DNAJC5: variants seen among roughly 807,000 people sequenced by gnomAD.
DNAJC5 encodes the protein dnaJ homolog subfamily C member 5.
In DNAJC5, 1 loss-of-function variant was observed where a neutral mutation model predicts 23.2. That is an observed-to-expected ratio of 0.04 (90% CI 0.02 to 0.20). DNAJC5 has a LOEUF of 0.20. DNAJC5 is among the 10% of genes least tolerant of loss of function. DNAJC5 has a pLI of 1.00. For missense variants in DNAJC5, 180 were observed against 267.0 expected, an observed-to-expected ratio of 0.67 and a Z score of 2.27; for synonymous variants, 136 against 120.0, an observed-to-expected ratio of 1.13 and a Z score of -0.87.
rs6122214 is a variant in DNAJC5, at chr20:63,923,514, G to T, written c.-11-4821G>T. Among the ~76,000 whole-genome samples, 114 of 152,116 alleles carry T rather than the reference G, an allele frequency of 7.5e-4. 1 individual carries two copies. In the East Asian group the frequency reaches 0.02, roughly 27 times the overall value. On this transcript the variant is annotated intron_variant, in intron 1 of 4. Coordinates refer to ENST00000360864, the MANE Select transcript of DNAJC5 (RefSeq NM_025219.3). ...AGCACTTTGGGAGGCTGTAGCAGGC[G>T]GATTGCTTGAGTCTGGGAGTTTGAG...
In DNAJC5 at chr20:63,932,110, G is replaced by A. The variant is rs1292673363; in HGVS notation, c.*542G>A. ...CCTGCCAGAAGAGAGGCGGGGCCGC[G>A]TCCTCCTGGCGTCACCGGCGTCACT... On this transcript the variant is annotated 3_prime_UTR_variant, in exon 5 of 5. Transcript: ENST00000360864. The surrounding 1 kb of genome is among the most constrained non-coding windows in gnomAD (Gnocchi z 4.4). 3 of 193,016 alleles carry A rather than the reference G, an allele frequency of 1.6e-5. No homozygotes were observed. Among genetic ancestry groups the A allele is most frequent in the East Asian group, 1.3e-4 (1 of 7,902 alleles). The allele number at this position is 193,016 out of a possible 1,614,324, so 12.0% of individuals were successfully genotyped here.
intron 1 of DNAJC5, among the ~76,000 whole-genome samples, chr20:63,911,755 C>T (rs2053484050): frequency 6.6e-6 from 1 of 151,928 alleles, no homozygotes; most frequent in South Asian, 2.1e-4. Context: ...CTCCCTGCAG[C>T]CTTGACCTCC....
chr20:63,912,168 C>T (rs1024846504), intron 1 of DNAJC5, among the ~76,000 whole-genome samples: 9 of 151,908 alleles, frequency 5.9e-5, no homozygotes, highest in East Asian at 1.9e-4. Context: ...CTGGGCATGG[C>T]GGCAGATGCC....
At position 63,909,345 on chromosome 20, in the gene DNAJC5, A is replaced by T. The variant is rs191146611; in HGVS notation, c.-12+14022A>T. ...AACCCCGTCTCTACTAAAAATAAAA[A>T]AAAAAAAATTAGCCGGGCGTGGTGG... On this transcript the variant is annotated intron_variant, in intron 1 of 4. Transcript: ENST00000360864. Among the ~76,000 whole-genome samples, 180 of 152,096 alleles carry T rather than the reference A, an allele frequency of 1.2e-3. 1 individual carries two copies. The highest frequency in any genetic ancestry group is 5.8e-3 in the South Asian group (28 of 4,820).
At chr20:63,895,371 G>GGGCA (rs1164001193) in intron 1 of DNAJC5, 48 bp downstream of exon 1, 1 of 147,028 alleles carries the variant, frequency 6.8e-6, no homozygotes, top group East Asian at 1.9e-4. Flanking sequence ...CGTCAGGCCC[G>GGGCA]GGCAGGCGGG....
chr20:63,931,948 G>A lies in DNAJC5; in HGVS notation c.*380G>A. On this transcript the variant is annotated 3_prime_UTR_variant, in exon 5 of 5. Coordinates refer to ENST00000360864, the MANE Select transcript of DNAJC5 (RefSeq NM_025219.3). The surrounding 1 kb of genome is among the most constrained non-coding windows in gnomAD (Gnocchi z 9.6). ...CGGTCAGGTGGGCGAGGAGAAGGGGGGCTGCCCCTTTCCTACCTGTGCTTG... is the reference window on the plus strand; with the variant it reads ...CGGTCAGGTGGGCGAGGAGAAGGGGAGCTGCCCCTTTCCTACCTGTGCTTG... 1 of 358,562 alleles carries A rather than the reference G, an allele frequency of 2.8e-6. No homozygotes were observed. 22.2% of individuals were successfully genotyped at this position (358,562 alleles called of 1,614,324 possible). A position where few individuals can be genotyped will look rare whatever the true frequency, so the allele number is the denominator to read the frequency against.
intron 1 of DNAJC5, among the ~76,000 whole-genome samples, chr20:63,902,052 A>C (rs1312048090): frequency 6.6e-6 from 1 of 151,762 alleles, no homozygotes. Flanking sequence ...TAAAATAATA[A>C]TGCTTTTTTT....
At chr20:63,910,505 T>G (rs895696299) in intron 1 of DNAJC5, among the ~76,000 whole-genome samples, 3 of 149,720 alleles carry the variant, frequency 2.0e-5, no homozygotes, top group African/African-American at 7.4e-5. Flanking sequence ...ATCGCGCCAC[T>G]GCACTCCAGC....
intron 1 of DNAJC5, among the ~76,000 whole-genome samples, chr20:63,918,884 A>G (rs530097890): frequency 1.4e-4 from 21 of 152,302 alleles, no homozygotes; most frequent in African/African-American, 3.4e-4. Flanking sequence ...GTGAGCCACC[A>G]CGCCCGGCTG....
intron 1 of DNAJC5, chr20:63,909,059 T>A (rs1195943355): frequency 6.6e-6 from 1 of 152,148 alleles, no homozygotes; most frequent in Non-Finnish European, 1.5e-5. Context: ...TTTCCCCAAA[T>A]GTGGGAAACT....
rs1019253049 is a variant in DNAJC5 at position 63,931,313 on chromosome 20, C to T, written c.494-152C>T. Reference sequence around the variant, plus strand: ...GCCGAGGGCTGGCGGTGACCCAAGGCGACGGAGGAAAGCCGTGTGGGGTGG... The same window carrying T: ...GCCGAGGGCTGGCGGTGACCCAAGGTGACGGAGGAAAGCCGTGTGGGGTGG... On this transcript the variant is annotated intron_variant, in intron 4 of 4. Coordinates refer to ENST00000360864, the MANE Select transcript of DNAJC5 (RefSeq NM_025219.3). This position sits in a 1 kb window ranked among gnomAD's most constrained non-coding sequence, Gnocchi z 9.6. 8.1e-6 allele frequency: 7 copies of T among 866,478 alleles called. No homozygotes were observed. The highest frequency in any genetic ancestry group is 4.4e-5 in the South Asian group (3 of 68,432). The allele number at this position is 866,478 out of a possible 1,614,324, so 53.7% of individuals were successfully genotyped here.
chr20:63,923,398 C>T (rs914916920), intron 1 of DNAJC5, among the ~76,000 whole-genome samples: 2 of 151,222 alleles, frequency 1.3e-5, no homozygotes, highest in Admixed American at 1.3e-4. Context: ...GCCAAGATCG[C>T]ACCACTGCAC....
At position 63,929,244 on chromosome 20, in the gene DNAJC5, T is replaced by G; in HGVS notation, c.108-68T>G. On this transcript the variant is annotated intron_variant, in intron 2 of 4. Coordinates refer to ENST00000360864, the MANE Select transcript of DNAJC5 (RefSeq NM_025219.3). This position sits in a 1 kb window ranked among gnomAD's most constrained non-coding sequence, Gnocchi z 8.6. ...CACCCGGCAGTGCGTGCGGGTGGGATGGACGCGGCGGCGGGTGCGGGTGGA... is the reference window on the plus strand; with the variant it reads ...CACCCGGCAGTGCGTGCGGGTGGGAGGGACGCGGCGGCGGGTGCGGGTGGA... The G allele has an allele frequency of 6.5e-7, 1 of 1,547,728 alleles. No individual in the cohort carries two copies. The highest frequency in any genetic ancestry group is 8.8e-7 in the Non-Finnish European group (1 of 1,140,634).
chr20:63,913,968 C>A (rs2053499619), intron 1 of DNAJC5, among the ~76,000 whole-genome samples: 2 of 152,216 alleles, frequency 1.3e-5, no homozygotes. Flanking sequence ...TCTCTGAGCA[C>A]TCCATCCTCC....
intron 1 of DNAJC5, among the ~76,000 whole-genome samples, chr20:63,902,852 T>A (rs2053423392): frequency 6.6e-6 from 1 of 151,262 alleles, no homozygotes; most frequent in Admixed American, 6.6e-5. Context: ...ATGTTTTTTG[T>A]ATTTTTAGTA....
In DNAJC5 at chr20:63,929,596, C is replaced by T; in HGVS notation, c.321+71C>T. ...CGTGCGGGCACCCGAGTCTCTCCTG[C>T]CGTGCGGGCACCCGAGTCACTCCTG... On this transcript the variant is annotated intron_variant, in intron 3 of 4. Coordinates refer to ENST00000360864, the MANE Select transcript of DNAJC5 (RefSeq NM_025219.3). This position sits in a 1 kb window ranked among gnomAD's most constrained non-coding sequence, Gnocchi z 8.6. 1.3e-6 allele frequency: 2 copies of T among 1,513,626 alleles called. No homozygotes were observed. The highest frequency in any genetic ancestry group is 1.8e-6 in the Non-Finnish European group (2 of 1,108,498). The allele number at this position is 1,513,626 out of a possible 1,614,324, so 93.8% of individuals were successfully genotyped here.
At chr20:63,912,462 A>T (rs2053488513) in intron 1 of DNAJC5, among the ~76,000 whole-genome samples, 1 of 152,158 alleles carries the variant, frequency 6.6e-6, no homozygotes, top group Non-Finnish European at 1.5e-5. Flanking sequence ...TATTCCAAAT[A>T]AAAATCCAGA....
chr20:63,926,242 A>C (rs1345838255), intron 1 of DNAJC5, among the ~76,000 whole-genome samples: 3 of 152,124 alleles, frequency 2.0e-5, no homozygotes, highest in Non-Finnish European at 4.4e-5. Context: ...TGTCCATTTC[A>C]TCTAATTTTT....
chr20:63,906,307 C>T (rs1280953392), intron 1 of DNAJC5, among the ~76,000 whole-genome samples: 6 of 151,534 alleles, frequency 4.0e-5, no homozygotes, highest in African/African-American at 7.3e-5. Flanking sequence ...GCCAACATGG[C>T]GAAACCCCTT....
Sources: gnomAD v4.1 joint callset for allele counts (sites outside exome capture counted in the v4.1 genomes callset) on GRCh38, gnomAD v4.1.1 for gene constraint, Gnocchi (gnomAD v3.1) non-coding constraint, MANE v1.5 for transcripts, NCBI Gene and HGNC (gene_info 2026-07-23, HGNC 2026-07-21) for gene names.